The following CHLSN variants were observed in gnomAD, a reference collection of about 807,000 sequenced individuals.
CHLSN encodes protein cholesin.
At chr7:1,137,656 A>G in the CHLSN span, 1 of 152,026 alleles carries the variant, frequency 6.6e-6, no homozygotes, top group Non-Finnish European at 1.5e-5. Context: ...ACATTTTTAA[A>G]AATTATCCGG....
the CHLSN span, among the ~76,000 whole-genome samples, chr7:1,032,675 C>A: frequency 6.6e-6 from 1 of 152,156 alleles, no homozygotes; most frequent in Non-Finnish European, 1.5e-5. Flanking sequence ...GCTGCAGCCA[C>A]CCGCCCACAC....
At chr7:1,108,583 T>C in the CHLSN span, among the ~76,000 whole-genome samples, 4 of 152,208 alleles carry the variant, frequency 2.6e-5, no homozygotes, top group African/African-American at 9.7e-5. Context: ...CGGATGGCTT[T>C]CTATCCACCC....
chr7:1,032,165 G>A, the CHLSN span, among the ~76,000 whole-genome samples: 1 of 152,170 alleles, frequency 6.6e-6, no homozygotes, highest in Non-Finnish European at 1.5e-5. Flanking sequence ...CAGGGTAGAT[G>A]GGCCCCAGAT....
chr7:1,135,349 A>G, the CHLSN span, among the ~76,000 whole-genome samples: 44 of 152,224 alleles, frequency 2.9e-4, no homozygotes, highest in African/African-American at 1.0e-3. Flanking sequence ...ATGTATATAC[A>G]TATAGTTATA....
At chr7:1,012,863 C>T in the CHLSN span, among the ~76,000 whole-genome samples, 3 of 152,180 alleles carry the variant, frequency 2.0e-5, no homozygotes, top group African/African-American at 7.2e-5. Flanking sequence ...TGCCATCGGC[C>T]GCCCTATGCT....
the CHLSN span, among the ~76,000 whole-genome samples, chr7:1,041,298 G>A: frequency 2.4e-5 from 2 of 84,020 alleles, no homozygotes; most frequent in African/African-American, 7.3e-5. Flanking sequence ...CTGCGGGGAA[G>A]GGGACCTGGG....
the CHLSN span, among the ~76,000 whole-genome samples, chr7:1,097,197 C>G: frequency 6.6e-6 from 1 of 152,232 alleles, no homozygotes; most frequent in Non-Finnish European, 1.5e-5. This position sits in a 1 kb window ranked among gnomAD's most constrained non-coding sequence, Gnocchi z 4.3. Flanking sequence ...TGCAGCCCAC[C>G]TGCACAGGGC....
At chr7:1,105,796 G>A in the CHLSN span, among the ~76,000 whole-genome samples, 2 of 152,262 alleles carry the variant, frequency 1.3e-5, no homozygotes, top group Admixed American at 6.5e-5. Context: ...CTTTCTAAAT[G>A]TTTTCATGTT....
At chr7:1,007,076 C>T in the CHLSN span, among the ~76,000 whole-genome samples, 1 of 152,184 alleles carries the variant, frequency 6.6e-6, no homozygotes, top group Admixed American at 6.5e-5. Context: ...GGGGCAGAGC[C>T]TTCGGGGGAT....
At chr7:1,125,835 G>A in the CHLSN span, among the ~76,000 whole-genome samples, 1 of 152,194 alleles carries the variant, frequency 6.6e-6, no homozygotes, top group Non-Finnish European at 1.5e-5. Flanking sequence ...GATGTGACGC[G>A]CGCGTCGTCA....
At chr7:1,128,974 G>A in the CHLSN span, among the ~76,000 whole-genome samples, 2 of 2,122 alleles carry the variant, frequency 9.4e-4, no homozygotes, top group Admixed American at 4.0e-3. Context: ...ATCCCACCCT[G>A]TCACCCGGGC....
the CHLSN span, chr7:1,127,181 G>A: frequency 1.3e-6 from 2 of 1,493,644 alleles, no homozygotes; most frequent in East Asian, 4.7e-5. Flanking sequence ...AGCAGGCTGA[G>A]CCACCCCCTC....
chr7:1,001,842 G>A, the CHLSN span, among the ~76,000 whole-genome samples: 1 of 114,224 alleles, frequency 8.8e-6, no homozygotes, highest in African/African-American at 3.6e-5. Flanking sequence ...TGGGTGGGGA[G>A]TCCTGTGGGT....
At chr7:1,012,011 G>A in the CHLSN span, among the ~76,000 whole-genome samples, 38 of 152,192 alleles carry the variant, frequency 2.5e-4, no homozygotes, top group Admixed American at 1.2e-3. Context: ...GTGACTGACC[G>A]GCTCCAACCA....
chr7:1,032,284 C>T, the CHLSN span, among the ~76,000 whole-genome samples: 1 of 152,226 alleles, frequency 6.6e-6, no homozygotes, highest in Non-Finnish European at 1.5e-5. Context: ...ATGAAGCCCC[C>T]CGCAGGTGGA....
At chr7:1,032,296 C>G in the CHLSN span, among the ~76,000 whole-genome samples, 2 of 152,238 alleles carry the variant, frequency 1.3e-5, no homozygotes, top group Admixed American at 6.5e-5. Flanking sequence ...GCAGGTGGAT[C>G]TGCTGTTGGC....
chr7:1,094,058 T>C, the CHLSN span, among the ~76,000 whole-genome samples: 1 of 152,334 alleles, frequency 6.6e-6, no homozygotes, highest in South Asian at 2.1e-4. Flanking sequence ...CCCATGAATG[T>C]AGGAGGCAGG....
At chr7:1,108,039 C>CG in the CHLSN span, among the ~76,000 whole-genome samples, 2 of 75,972 alleles carry the variant, frequency 2.6e-5, no homozygotes, top group Non-Finnish European at 4.7e-5. Context: ...TCCCGCACCC[C>CG]GGGGGGAAGC....
the CHLSN span, among the ~76,000 whole-genome samples, chr7:1,071,141 C>T: frequency 3.3e-5 from 5 of 152,242 alleles, no homozygotes; most frequent in East Asian, 7.7e-4. Flanking sequence ...CTCATAGAGG[C>T]CCCGCACGCG....
Sources: gnomAD v4.1 joint callset for allele counts (sites outside exome capture counted in the v4.1 genomes callset) on GRCh38, gnomAD v4.1.1 for gene constraint, Gnocchi (gnomAD v3.1) non-coding constraint, MANE v1.5 for transcripts, NCBI Gene and HGNC (gene_info 2026-07-23, HGNC 2026-07-21) for gene names.